The following CHRNA7 variants were observed in gnomAD, a reference collection of about 807,000 sequenced individuals.
CHRNA7 encodes cholinergic receptor nicotinic alpha 7 subunit.
In CHRNA7, 17 loss-of-function variants were observed where a neutral mutation model predicts 48.0. The ratio of observed to expected loss-of-function variants is 0.35; its 90% CI spans 0.24 to 0.53. CHRNA7 has a LOEUF of 0.53. Ranked by LOEUF, CHRNA7 falls within the 20% of genes least tolerant of loss-of-function variation. The probability of loss-of-function intolerance (pLI) is 0.92; values close to 1 mark genes in which losing one functional copy is unlikely to be tolerated. For missense variants in CHRNA7, 155 were observed against 577.7 expected, an observed-to-expected ratio of 0.27 and a Z score of 7.50; for synonymous variants, 75 against 242.3, an observed-to-expected ratio of 0.31 and a Z score of 6.41.
intron 3 of CHRNA7, among the ~76,000 whole-genome samples, chr15:32,105,749 A>T (rs993951323): frequency 2.0e-5 from 3 of 152,198 alleles, no homozygotes; most frequent in African/African-American, 7.2e-5. Flanking sequence ...CTACCGATTG[A>T]GAAACATGCT....
intron 2 of CHRNA7, among the ~76,000 whole-genome samples, chr15:32,075,821 A>G (rs2050128426): frequency 6.6e-6 from 1 of 150,982 alleles, no homozygotes; most frequent in African/African-American, 2.4e-5. Flanking sequence ...TTTTTCTCAT[A>G]TATGCATTTA....
At position 32,119,402 on chromosome 15, in the gene CHRNA7, T is replaced by C. The variant is rs79400975; in HGVS notation, c.350+7503T>C. ...TTTTATCTTTTAAAAAATCCATCAA[T>C]TGCCCTGAGGCGGGAACATGCTATC... is the stretch of plus-strand genomic sequence containing the variant. On this transcript the variant is annotated intron_variant, in intron 4 of 9. Coordinates refer to ENST00000306901, the MANE Select transcript of CHRNA7 (RefSeq NM_000746.6). Among the ~76,000 whole-genome samples, 1,112 of 152,350 alleles carry C rather than the reference T, an allele frequency of 7.3e-3. 13 individuals carry two copies. The highest frequency in any genetic ancestry group is 0.025 in the African/African-American group (1,056 of 41,582).
At chr15:32,051,152 C>T (rs1010330086) in intron 2 of CHRNA7, among the ~76,000 whole-genome samples, 1 of 150,480 alleles carries the variant, frequency 6.6e-6, no homozygotes, top group African/African-American at 2.4e-5. Context: ...CAGCTGCGTG[C>T]TGGGAGAACC....
intron 4 of CHRNA7, among the ~76,000 whole-genome samples, chr15:32,114,658 A>G (rs1271373029): frequency 6.6e-6 from 1 of 152,266 alleles, no homozygotes; most frequent in African/African-American, 2.4e-5. Flanking sequence ...GCAGGTCCAC[A>G]TGAACCCAAC....
chr15:32,057,985 T>C (rs926829592), intron 2 of CHRNA7, among the ~76,000 whole-genome samples: 4 of 152,162 alleles, frequency 2.6e-5, no homozygotes, highest in African/African-American at 9.7e-5. Flanking sequence ...TCCCTGTTCT[T>C]TATATTACCG....
At chr15:32,055,530 C>G (rs1410718172) in intron 2 of CHRNA7, among the ~76,000 whole-genome samples, 1 of 152,150 alleles carries the variant, frequency 6.6e-6, no homozygotes, top group Non-Finnish European at 1.5e-5. Context: ...TAAACCTGCT[C>G]CCTTCATAAT....
rs71424637 is a variant in CHRNA7 at position 32,038,056 on chromosome 15, G to GTATATATATATATA, written c.195+7022_195+7035dup. Among the ~76,000 whole-genome samples the GTATATATATATATA allele has an allele frequency of 1.3e-4, 19 of 144,208 alleles. No individual in the cohort carries two copies. The South Asian group carries it at 2.4e-3, about 18-fold the overall frequency. The allele number at this position is 144,208 out of a possible 152,430, so 94.6% of individuals were successfully genotyped here. A position where few individuals can be genotyped will look rare whatever the true frequency, so the allele number is the denominator to read the frequency against. On this transcript the variant is annotated intron_variant, in intron 2 of 9. Transcript: ENST00000306901. ...TGTTAGCTATAGGTTTTTTGGATATGTATATATATATATATAAATATACAT... is the reference window on the plus strand; with the variant it reads ...TGTTAGCTATAGGTTTTTTGGATATGTATATATATATATATATATATATATATATAAATATACAT...
chr15:32,048,455 G>A (rs985974790), intron 2 of CHRNA7, among the ~76,000 whole-genome samples: 13 of 152,156 alleles, frequency 8.5e-5, no homozygotes, highest in African/African-American at 2.7e-4. Context: ...GTTTATTTGC[G>A]TGGAGATGTT....
chr15:32,097,317 GT>G (rs905733366), intron 2 of CHRNA7, among the ~76,000 whole-genome samples: 8 of 152,088 alleles, frequency 5.3e-5, no homozygotes, highest in African/African-American at 1.4e-4. Context: ...TGGTCTGAAT[GT>G]TTTTTTCCCC....
chr15:32,099,564 C>T (rs559504227), intron 2 of CHRNA7: 9 of 152,314 alleles, frequency 5.9e-5, no homozygotes, highest in African/African-American at 2.2e-4. Flanking sequence ...GCTCCCAAAC[C>T]ACAGAAGCCT....
intron 4 of CHRNA7, among the ~76,000 whole-genome samples, chr15:32,151,657 A>C (rs2051632371): frequency 6.6e-6 from 1 of 152,152 alleles, no homozygotes; most frequent in South Asian, 2.1e-4. Flanking sequence ...CCACCTACTC[A>C]TAAAAAGTTA....
At chr15:32,071,348 G>A (rs1335639810) in intron 2 of CHRNA7, among the ~76,000 whole-genome samples, 5 of 152,110 alleles carry the variant, frequency 3.3e-5, no homozygotes, top group African/African-American at 7.2e-5. Flanking sequence ...ATTAAACCTC[G>A]ATACCAATTT....
intron 4 of CHRNA7, among the ~76,000 whole-genome samples, chr15:32,122,771 G>T (rs529587559): frequency 6.6e-6 from 1 of 151,678 alleles, no homozygotes; most frequent in Non-Finnish European, 1.5e-5. Flanking sequence ...TTATGCATGT[G>T]CCAATACCAT....
chr15:32,106,800 C>G (rs766844313), intron 3 of CHRNA7, among the ~76,000 whole-genome samples: 6 of 152,184 alleles, frequency 3.9e-5, no homozygotes, highest in Admixed American at 2.0e-4. Context: ...ACTTTAACCT[C>G]CTAATTCTAA....
At chr15:32,070,605 C>T (rs11071534) in intron 2 of CHRNA7, among the ~76,000 whole-genome samples, 146,472 of 150,434 alleles carry the variant, frequency 0.97, 71,432 homozygotes, top group East Asian at 1. Flanking sequence ...GTTTAACATT[C>T]ACATTTAAGT....
At chr15:32,137,065 G>A (rs995904699) in intron 4 of CHRNA7, among the ~76,000 whole-genome samples, 3 of 147,108 alleles carry the variant, frequency 2.0e-5, no homozygotes, top group South Asian at 2.2e-4. Context: ...AAAGAAAACA[G>A]GAGAAACCTA....
In CHRNA7 at chr15:32,033,704, CA is replaced by C; in HGVS notation, c.195+2668del. ...CCAGCTGAAATCTCAGCGCTCTGGA[CA>C]GAGACACAATGGTTCTCATAAAGGC... On this transcript the variant is annotated intron_variant, in intron 2 of 9. Coordinates refer to ENST00000306901, the MANE Select transcript of CHRNA7 (RefSeq NM_000746.6). Among the ~76,000 whole-genome samples the C allele has an allele frequency of 2.0e-5, 3 of 152,324 alleles. No individual in the cohort carries two copies. The Middle Eastern group carries it at 0.01, about 518-fold the overall frequency.
At chr15:32,150,580 G>GTTAA (rs1370448084) in intron 4 of CHRNA7, among the ~76,000 whole-genome samples, 1 of 152,176 alleles carries the variant, frequency 6.6e-6, no homozygotes. Flanking sequence ...GCAAAAAGGA[G>GTTAA]TTAAACAGGA....
chr15:32,052,169 T>C (rs747727386), intron 2 of CHRNA7, among the ~76,000 whole-genome samples: 2 of 151,326 alleles, frequency 1.3e-5, no homozygotes, highest in Non-Finnish European at 2.9e-5. Flanking sequence ...CTCACTGCTC[T>C]ATTAGTATTC....
Sources: allele counts gnomAD v4.1 joint callset (sites outside exome capture counted in the v4.1 genomes callset), GRCh38; gene constraint gnomAD v4.1.1; transcripts MANE v1.5; gene names NCBI Gene and HGNC (gene_info 2026-07-23, HGNC 2026-07-21).